REC114: variants seen among roughly 807,000 people sequenced by gnomAD.
The protein encoded by REC114 is REC114 meiotic recombination protein.
A neutral mutation model predicts 31.3 loss-of-function variants in REC114; 27 were observed. That is an observed-to-expected ratio of 0.86 (90% CI 0.64 to 1.19). REC114 has a LOEUF of 1.19. Among genes scored for constraint, REC114 ranks in the 50% most tolerant of loss-of-function variants. The probability of loss-of-function intolerance (pLI) is 0.00; values close to 1 mark genes in which losing one functional copy is unlikely to be tolerated. For synonymous variants in REC114, 134 were observed against 127.7 expected, an observed-to-expected ratio of 1.05 and a Z score of -0.33; for missense variants, 344 against 326.9, an observed-to-expected ratio of 1.05 and a Z score of -0.40.
At chr15:73,477,406 T>G (rs562739897) in intron 2 of REC114, among the ~76,000 whole-genome samples, 1 of 152,294 alleles carries the variant, frequency 6.6e-6, no homozygotes, top group East Asian at 1.9e-4. Flanking sequence ...AATTTTTACC[T>G]ATGCCAAGAT....
chr15:73,485,055 A>G (rs2141299110), intron 2 of REC114, among the ~76,000 whole-genome samples: 1 of 152,328 alleles, frequency 6.6e-6, no homozygotes, highest in South Asian at 2.1e-4. Context: ...ATTTAGCATA[A>G]ACTTTTAAAG....
intron 2 of REC114, among the ~76,000 whole-genome samples, chr15:73,524,506 A>G (rs1452969820): frequency 6.6e-6 from 1 of 152,234 alleles, no homozygotes; most frequent in Non-Finnish European, 1.5e-5. Flanking sequence ...CACAATTCTG[A>G]CTGAAAAATT....
chr15:73,458,373 T>G (rs752940383), intron 1 of REC114, among the ~76,000 whole-genome samples: 9 of 152,194 alleles, frequency 5.9e-5, no homozygotes, highest in East Asian at 1.9e-4. Flanking sequence ...AGCCATTGCT[T>G]CTTCTGCCAT....
chr15:73,456,938 GT>G (rs1892923107), intron 1 of REC114, among the ~76,000 whole-genome samples: 1 of 151,688 alleles, frequency 6.6e-6, no homozygotes, highest in African/African-American at 2.4e-5. Flanking sequence ...TTTTTAATTT[GT>G]TTTTAAGGAA....
In REC114 at chr15:73,489,772, C is replaced by T. The variant is rs974954355; in HGVS notation, c.249+15851C>T. Among the ~76,000 whole-genome samples the T allele has an allele frequency of 2.0e-5, 3 of 151,672 alleles. No homozygotes were observed. The South Asian group carries it at 6.2e-4, about 31-fold the overall frequency. On this transcript the variant is annotated intron_variant, in intron 2 of 5. Transcript: ENST00000331090. Reference sequence around the variant, plus strand: ...GAAAAAAAAAAAACAAAACTCAACTCTCTAATCACCCAGCCTTCCTCAGGC... The same window carrying T: ...GAAAAAAAAAAAACAAAACTCAACTTTCTAATCACCCAGCCTTCCTCAGGC...
chr15:73,480,470 A>G (rs1476507560), intron 2 of REC114, among the ~76,000 whole-genome samples: 2 of 152,102 alleles, frequency 1.3e-5, no homozygotes, highest in Non-Finnish European at 2.9e-5. Context: ...ATAAGAATAC[A>G]TATTTAAAAT....
intron 1 of REC114, among the ~76,000 whole-genome samples, chr15:73,457,069 T>TA (rs1892925457): frequency 6.7e-6 from 1 of 149,820 alleles, no homozygotes; most frequent in South Asian, 2.1e-4. Flanking sequence ...TCTGAGCTTT[T>TA]TTTTTTTTTT....
intron 2 of REC114, among the ~76,000 whole-genome samples, chr15:73,477,642 T>A (rs1893233491): frequency 6.6e-6 from 1 of 152,104 alleles, no homozygotes; most frequent in South Asian, 2.1e-4. Flanking sequence ...GCTCTCAAAC[T>A]CCTGGACTCA....
At chr15:73,459,206 G>A (rs1370788357) in intron 1 of REC114, among the ~76,000 whole-genome samples, 2 of 151,708 alleles carry the variant, frequency 1.3e-5, no homozygotes, top group Non-Finnish European at 2.9e-5. Flanking sequence ...TTACAGATGC[G>A]GTAATTAAAT....
chr15:73,470,499 A>G (rs1408203216), intron 1 of REC114, among the ~76,000 whole-genome samples: 1 of 152,118 alleles, frequency 6.6e-6, no homozygotes. Flanking sequence ...TTGCATCTTA[A>G]TATGGTGCCT....
At chr15:73,549,190 T>A (rs1894354869) in intron 3 of REC114, among the ~76,000 whole-genome samples, 4 of 151,922 alleles carry the variant, frequency 2.6e-5, no homozygotes, top group Admixed American at 2.6e-4. Flanking sequence ...AAAAAAAAAA[T>A]TATGAGATCT....
At chr15:73,477,752 T>C (rs1038473136) in intron 2 of REC114, among the ~76,000 whole-genome samples, 1 of 152,176 alleles carries the variant, frequency 6.6e-6, no homozygotes, top group African/African-American at 2.4e-5. Flanking sequence ...TTCTAGAAGC[T>C]TTATGCTTTC....
intron 2 of REC114, among the ~76,000 whole-genome samples, chr15:73,511,336 TTTTC>T (rs1347129138): frequency 2.0e-5 from 3 of 151,514 alleles, no homozygotes; most frequent in African/African-American, 4.8e-5. Context: ...TTCTCTCTTT[TTTTC>T]TTTATTAGTC....
At chr15:73,517,392 A>G (rs572109400) in intron 2 of REC114, among the ~76,000 whole-genome samples, 6 of 152,366 alleles carry the variant, frequency 3.9e-5, no homozygotes, top group Admixed American at 2.0e-4. Context: ...AAGAAGATAC[A>G]TGAAGCCTAC....
intron 2 of REC114, among the ~76,000 whole-genome samples, chr15:73,540,073 G>A (rs1015282196): frequency 3.3e-5 from 5 of 152,054 alleles, no homozygotes; most frequent in Non-Finnish European, 7.4e-5. Context: ...TTCTTATGAA[G>A]AGAATTCTTA....
intron 2 of REC114, among the ~76,000 whole-genome samples, chr15:73,478,263 C>CAAA (rs57210193): frequency 0.014 from 547 of 40,292 alleles, 33 homozygotes; most frequent in African/African-American, 0.041. Flanking sequence ...GACTCTGTCT[C>CAAA]AAAAAAAAAA....
At chr15:73,501,696 C>T (rs746156521) in intron 2 of REC114, among the ~76,000 whole-genome samples, 1 of 152,166 alleles carries the variant, frequency 6.6e-6, no homozygotes, top group Non-Finnish European at 1.5e-5. Context: ...CCACTCACCT[C>T]AGTCTCCCAA....
intron 2 of REC114, among the ~76,000 whole-genome samples, chr15:73,514,107 G>A (rs1893821499): frequency 6.6e-6 from 1 of 151,530 alleles, no homozygotes; most frequent in South Asian, 2.1e-4. Context: ...ACTCCGTGGG[G>A]TAGGACCCTC....
chr15:73,531,512 G>C (rs2141324897), intron 2 of REC114, among the ~76,000 whole-genome samples: 1 of 152,256 alleles, frequency 6.6e-6, no homozygotes, highest in South Asian at 2.1e-4. Context: ...AGTGTAGTGT[G>C]GCGCCCCATC....
Sources: allele counts gnomAD v4.1 joint callset (sites outside exome capture counted in the v4.1 genomes callset), GRCh38; gene constraint gnomAD v4.1.1; transcripts MANE v1.5; gene names NCBI Gene and HGNC (gene_info 2026-07-23, HGNC 2026-07-21).